The following DOCK11 variants were observed in gnomAD, a reference collection of about 807,000 sequenced individuals.
The protein encoded by DOCK11 is dedicator of cytokinesis 11.
In DOCK11, 70 loss-of-function variants were observed where a neutral mutation model predicts 169.1. That is an observed-to-expected ratio of 0.41 (90% CI 0.34 to 0.51). DOCK11 has a LOEUF of 0.51. Ranked by LOEUF, DOCK11 falls within the 20% of genes least tolerant of loss-of-function variation. The pLI is 0.10. For synonymous variants in DOCK11, 529 were observed against 541.3 expected (o/e 0.98, Z 0.32); for missense variants, 1,166 against 1,538.8 (o/e 0.76, Z 4.05).
At chrX:118,566,365 A>G (rs919850498) in intron 8 of DOCK11, among the ~76,000 whole-genome samples, 183 bp downstream of exon 8, 2 of 112,160 alleles carry the variant, frequency 1.8e-5, no homozygotes, top group Admixed American at 1.9e-4. Context: ...GGGCTCTGAC[A>G]TATGAAATAT....
At chrX:118,499,676 G>A (rs1211070758) in intron 1 of DOCK11, among the ~76,000 whole-genome samples, 1 of 112,347 alleles carries the variant, frequency 8.9e-6, no homozygotes, top group Non-Finnish European at 1.9e-5. Context: ...CATCTCTAAG[G>A]AGGTGAGAAC....
At chrX:118,683,256 C>G in intron 52 of DOCK11, 39 bp downstream of exon 52, 1 of 1,169,058 alleles carries the variant, frequency 8.6e-7, no homozygotes, top group Non-Finnish European at 1.1e-6. Flanking sequence ...ACATGATCTG[C>G]GGGTCCCAAA....
At chrX:118,503,152 C>T (rs371438004) in intron 1 of DOCK11, among the ~76,000 whole-genome samples, 2 of 106,862 alleles carry the variant, frequency 1.9e-5, no homozygotes, top group African/African-American at 3.4e-5. Context: ...CTCTGCCTCC[C>T]GGGTTCAAGC....
chrX:118,581,805 TAAAAAAAAAAAAAAAAAA>T (rs35095116), intron 14 of DOCK11, among the ~76,000 whole-genome samples: 10 of 12,746 alleles, frequency 7.8e-4, no homozygotes, highest in Admixed American at 1.2e-3. Context: ...CTCCGTCTCC[TAAAAAAAAAAAAAAAAAA>T]AAAAAAAAAA....
At chrX:118,597,991 C>A (rs752554208) in intron 21 of DOCK11, 39 bp from the exon 22 acceptor site, 2 of 1,001,831 alleles carry the variant, frequency 2.0e-6, no homozygotes, top group Non-Finnish European at 2.8e-6. Flanking sequence ...ATTCATCTAT[C>A]CATTATTATG....
chrX:118,661,546 TGTAA>T (rs754498871), intron 44 of DOCK11, among the ~76,000 whole-genome samples: 6 of 112,133 alleles, frequency 5.4e-5, no homozygotes, highest in South Asian at 7.4e-4. Flanking sequence ...GGTCATTATT[TGTAA>T]GTATCACTGT....
At chrX:118,645,594 G>A (rs1242419718) in intron 40 of DOCK11, among the ~76,000 whole-genome samples, 2 of 108,837 alleles carry the variant, frequency 1.8e-5, no homozygotes, top group African/African-American at 3.3e-5. Context: ...CTCAGGAGGC[G>A]GAGGTTGCAG....
intron 26 of DOCK11, among the ~76,000 whole-genome samples, chrX:118,608,628 G>A (rs2014600899): frequency 9.0e-6 from 1 of 111,688 alleles, no homozygotes; most frequent in African/African-American, 3.3e-5. Flanking sequence ...ATAGTTTTGT[G>A]ACCTGGGGCC....
At chrX:118,527,235 G>T (rs2011397910) in intron 1 of DOCK11, among the ~76,000 whole-genome samples, 1 of 112,454 alleles carries the variant, frequency 8.9e-6, no homozygotes, top group African/African-American at 3.2e-5. Flanking sequence ...GTCTCTCCAA[G>T]ACTATAATTA....
Position 118,636,394 on chromosome X carries a change from A to G in DOCK11, c.3935A>G (p.Asn1312Ser). 9.4e-7 allele frequency: 1 copy of G among 1,060,155 alleles called. No homozygotes were observed. The highest frequency in any genetic ancestry group is 1.3e-6 in the Non-Finnish European group (1 of 779,743). The allele number at this position is 1,060,155 out of a possible 1,213,427, so 87.4% of individuals were successfully genotyped here. A position where few individuals can be genotyped will look rare whatever the true frequency, so the allele number is the denominator to read the frequency against. ...AAAGTATCACCTCAGGAGCTCATAA[A>G]CATTCTTATACTTTTAGAGTAAGTT... ...WNKVSPQELI[N>S]ILILLEVCLF... The change falls in exon 36 of 53, where the codon AAC becomes AGC. Residue 1312 changes from asparagine (N) to serine (S), a missense_variant. Coordinates refer to ENST00000276202, the MANE Select transcript of DOCK11 (RefSeq NM_144658.4).
intron 12 of DOCK11, among the ~76,000 whole-genome samples, chrX:118,577,269 A>G (rs1306406674): frequency 8.9e-6 from 1 of 112,342 alleles, no homozygotes; most frequent in African/African-American, 3.2e-5. Flanking sequence ...CAACCCGTTC[A>G]GCCTCACAGC....
chrX:118,625,224 G>A (rs1301135921), intron 32 of DOCK11, among the ~76,000 whole-genome samples: 1 of 108,234 alleles, frequency 9.2e-6, no homozygotes, highest in Non-Finnish European at 1.9e-5. Flanking sequence ...GCGTGATCTC[G>A]GCTCACTGCA....
At chrX:118,506,409 T>C (rs1035086860) in intron 1 of DOCK11, among the ~76,000 whole-genome samples, 2 of 112,246 alleles carry the variant, frequency 1.8e-5, no homozygotes, top group Non-Finnish European at 3.8e-5. Flanking sequence ...CTCACACCTA[T>C]ATTCCCAGCA....
chrX:118,514,345 T>C (rs1206420001), intron 1 of DOCK11, among the ~76,000 whole-genome samples: 1 of 111,308 alleles, frequency 9.0e-6, no homozygotes, highest in African/African-American at 3.3e-5. Context: ...ACAAATAATT[T>C]GGCCAGAGTT....
At chrX:118,659,546 G>T (rs146435164) in intron 44 of DOCK11, among the ~76,000 whole-genome samples, 1 of 112,023 alleles carries the variant, frequency 8.9e-6, no homozygotes, top group Non-Finnish European at 1.9e-5. Context: ...ACAAAGGGTC[G>T]TGATGTAATT....
intron 1 of DOCK11, among the ~76,000 whole-genome samples, chrX:118,542,240 G>A (rs972789456): frequency 2.8e-5 from 3 of 107,119 alleles, no homozygotes; most frequent in Non-Finnish European, 3.8e-5. Flanking sequence ...GCACAATCAC[G>A]GATCACTACA....
At chrX:118,597,886 TA>T in intron 21 of DOCK11, 143 bp from the exon 22 acceptor site, 2 of 397,001 alleles carry the variant, frequency 5.0e-6, no homozygotes, top group Non-Finnish European at 4.2e-6. Flanking sequence ...ACATTTATTC[TA>T]AAGGCAGGGT....
intron 18 of DOCK11, among the ~76,000 whole-genome samples, chrX:118,589,904 G>A (rs2013930586): frequency 8.9e-6 from 1 of 112,401 alleles, no homozygotes; most frequent in Non-Finnish European, 1.9e-5. Context: ...TACAGGCCTG[G>A]TTTGAGACAA....
intron 52 of DOCK11, among the ~76,000 whole-genome samples, chrX:118,684,271 C>CTTTTTTTTTTTTTTTTTTTTTTTTTTTTT (rs1197326228): frequency 1.3e-5 from 1 of 78,631 alleles, no homozygotes; most frequent in African/African-American, 4.8e-5. Flanking sequence ...TTTTTTTTTT[C>CTTTTTTTTTTTTTTTTTTTTTTTTTTTTT]TTTTTTTTTT....
Sources: allele counts gnomAD v4.1 joint callset (sites outside exome capture counted in the v4.1 genomes callset), GRCh38; gene constraint gnomAD v4.1.1; transcripts MANE v1.5; gene names NCBI Gene and HGNC (gene_info 2026-07-23, HGNC 2026-07-21).